ZNF654: variants seen among roughly 807,000 people sequenced by gnomAD.
ZNF654 encodes the protein zinc finger protein 654.
Under a neutral mutation model 95.3 loss-of-function variants are expected in ZNF654, and 19 were observed. That is an observed-to-expected ratio of 0.20 (90% CI 0.14 to 0.29). ZNF654 has a LOEUF of 0.29. Among genes scored for constraint, ZNF654 ranks in the 10% least tolerant of loss-of-function variants. The pLI, the probability that ZNF654 is intolerant of heterozygous loss-of-function variation, is 1.00. For missense variants in ZNF654, 1,046 were observed against 1,341.0 expected, an observed-to-expected ratio of 0.78 and a Z score of 3.44; for synonymous variants, 413 against 457.9, an observed-to-expected ratio of 0.90 and a Z score of 1.25.
chr3:88,093,762 T>C (rs1258598097), intron 2 of ZNF654, among the ~76,000 whole-genome samples: 3 of 152,228 alleles, frequency 2.0e-5, no homozygotes, highest in Admixed American at 6.5e-5. Context: ...TTTTACTTGA[T>C]TGCATTTATA....
chr3:88,121,277 T>G (rs1705753638), intron 3 of ZNF654, among the ~76,000 whole-genome samples: 1 of 152,158 alleles, frequency 6.6e-6, no homozygotes, highest in Non-Finnish European at 1.5e-5. Context: ...AACAATGAAT[T>G]AAAAACTCAT....
chr3:88,061,110 T>C (rs568106230), intron 1 of ZNF654, among the ~76,000 whole-genome samples: 1 of 152,278 alleles, frequency 6.6e-6, no homozygotes, highest in East Asian at 1.9e-4. Context: ...TTTGTAACTA[T>C]ACCTTTTACA....
At chr3:88,107,046 C>T (rs1277960919) in intron 2 of ZNF654, among the ~76,000 whole-genome samples, 3 of 152,130 alleles carry the variant, frequency 2.0e-5, no homozygotes, top group Non-Finnish European at 4.4e-5. Context: ...TTTCATTTCT[C>T]TTGTTTCATG....
chr3:88,118,319 T>C lies in ZNF654; in HGVS notation c.414+5123T>C, dbSNP rs367621024. Among the ~76,000 whole-genome samples the C allele has an allele frequency of 5.9e-5, 9 of 152,056 alleles. No individual in the cohort carries two copies. The South Asian group carries it at 1.7e-3, about 28-fold the overall frequency. ...AGTTAGGAGGTGGTATGGGATATCA[T>C]GTCCCAAGCAGGAGGCTCAACGCTA... On this transcript the variant is annotated intron_variant, in intron 3 of 8. Transcript: ENST00000636215.
chr3:88,095,759 C>A, intron 2 of ZNF654: 1 of 398,364 alleles, frequency 2.5e-6, no homozygotes, highest in South Asian at 1.9e-5. Flanking sequence ...CCTCCTTCAT[C>A]ATCTTAAACT....
chr3:88,108,154 T>C (rs1311666000), intron 2 of ZNF654, among the ~76,000 whole-genome samples: 1 of 152,128 alleles, frequency 6.6e-6, no homozygotes, highest in African/African-American at 2.4e-5. Flanking sequence ...TTTGACCATG[T>C]AGGTATATGA....
chr3:88,059,652 T>G, intron 1 of ZNF654, 147 bp downstream of exon 1: 34 of 716,250 alleles, frequency 4.7e-5, no homozygotes, highest in East Asian at 1.7e-4. Flanking sequence ...CTCCTCCACT[T>G]ATCCGGCTTG....
intron 1 of ZNF654, among the ~76,000 whole-genome samples, chr3:88,075,672 G>A (rs1405866396): frequency 1.3e-5 from 2 of 152,102 alleles, no homozygotes; most frequent in Non-Finnish European, 2.9e-5. Flanking sequence ...GCAATAGTAG[G>A]ATATGTCATT....
chr3:88,126,276 C>G lies in ZNF654; in HGVS notation c.550+7C>G, dbSNP rs1257432935. On this transcript the variant is annotated splice_region_variant and intron_variant, in intron 4 of 8. Transcript: ENST00000636215. ...CCAGCATCTCAGGAGATAGGTACTT[C>G]AGGAGATTCAAAATCAAACCAACAT... 9 of 1,475,412 alleles carry G rather than the reference C, an allele frequency of 6.1e-6. No individual in the cohort carries two copies. Among genetic ancestry groups the G allele is most frequent in the Non-Finnish European group, 8.1e-6 (9 of 1,116,244 alleles). 91.4% of individuals were successfully genotyped at this position (1,475,412 alleles called of 1,614,324 possible). A position where few individuals can be genotyped will look rare whatever the true frequency, so the allele number is the denominator to read the frequency against.
Position 88,059,537 on chromosome 3 carries a change from A to G in ZNF654, c.186+32A>G, listed in dbSNP as rs866477126. On this transcript the variant is annotated intron_variant, in intron 1 of 8. Transcript: ENST00000636215. The stretch of plus-strand genomic sequence containing the variant: ...CGTCCGTTGGCCGCCCCGACTTGTC[A>G]CCCGGGTCCTGGGCCTCTCTGCGTC... 28 of 1,457,250 alleles carry G rather than the reference A, an allele frequency of 1.9e-5. No individual in the cohort carries two copies. In the Middle Eastern group the frequency reaches 4.3e-3, roughly 224 times the overall value. The allele number at this position is 1,457,250 out of a possible 1,614,324, so 90.3% of individuals were successfully genotyped here. A position where few individuals can be genotyped will look rare whatever the true frequency, so the allele number is the denominator to read the frequency against.
At chr3:88,109,268 G>A (rs1254097761) in intron 2 of ZNF654, among the ~76,000 whole-genome samples, 1 of 151,900 alleles carries the variant, frequency 6.6e-6, no homozygotes, top group Non-Finnish European at 1.5e-5. Flanking sequence ...GAATAGTTGA[G>A]TATGTCAACG....
At position 88,143,553 on chromosome 3, in the gene ZNF654, AC is replaced by A. The variant is rs939074580; in HGVS notation, c.*1902del. 1.4e-4 allele frequency: 21 copies of A among 152,310 alleles called. No individual in the cohort carries two copies. The highest frequency in any genetic ancestry group is 4.6e-4 in the African/African-American group (19 of 41,424). 9.4% of individuals were successfully genotyped at this position (152,310 alleles called of 1,614,324 possible). A position where few individuals can be genotyped will look rare whatever the true frequency, so the allele number is the denominator to read the frequency against. On this transcript the variant is annotated 3_prime_UTR_variant, in exon 9 of 9. Coordinates refer to ENST00000636215, the MANE Select transcript of ZNF654 (RefSeq NM_001350134.2). ...GTCTTTTGAAATATTTCTGCTTTGT[AC>A]ATTTTCCAGAAGTTTAATATTTTAT...
chr3:88,087,783 A>T (rs1347916300), intron 2 of ZNF654, among the ~76,000 whole-genome samples: 1 of 152,240 alleles, frequency 6.6e-6, no homozygotes, highest in Non-Finnish European at 1.5e-5. Flanking sequence ...TAAATTAATT[A>T]CAATTTTTTA....
At chr3:88,137,533 TGGG>T (rs1437263873) in intron 7 of ZNF654, among the ~76,000 whole-genome samples, 2 of 152,064 alleles carry the variant, frequency 1.3e-5, no homozygotes, top group Non-Finnish European at 2.9e-5. Flanking sequence ...AATTCACAGT[TGGG>T]GGGTGAGGAC....
At chr3:88,065,583 G>C (rs182559591) in intron 1 of ZNF654, among the ~76,000 whole-genome samples, 187 of 152,042 alleles carry the variant, frequency 1.2e-3, no homozygotes, top group African/African-American at 4.2e-3. Context: ...TGTTAACTTT[G>C]TGGTGGTATG....
chr3:88,141,517 A>G (rs1678440593), intron 8 of ZNF654, 128 bp from the exon 9 acceptor site: 2 of 589,976 alleles, frequency 3.4e-6, no homozygotes, highest in Non-Finnish European at 2.6e-6. Context: ...AATCAGAAAA[A>G]GAGCTTGTCT....
At chr3:88,099,156 T>C in intron 2 of ZNF654, among the ~76,000 whole-genome samples, 1 of 152,288 alleles carries the variant, frequency 6.6e-6, no homozygotes, top group African/African-American at 2.4e-5. Flanking sequence ...ACAAAATCAA[T>C]GTGCAAAAAT....
chr3:88,067,303 C>T (rs1471062079), intron 1 of ZNF654, among the ~76,000 whole-genome samples: 1 of 152,150 alleles, frequency 6.6e-6, no homozygotes, highest in Admixed American at 6.5e-5. Flanking sequence ...GAGATCCTTT[C>T]GTTTGGTTTG....
intron 2 of ZNF654, among the ~76,000 whole-genome samples, chr3:88,103,509 T>A (rs1315176249): frequency 6.6e-6 from 1 of 152,142 alleles, no homozygotes; most frequent in Non-Finnish European, 1.5e-5. Flanking sequence ...ATAACATGTC[T>A]ACTAGAATTT....
Sources: gnomAD v4.1 joint callset for allele counts (sites outside exome capture counted in the v4.1 genomes callset) on GRCh38, gnomAD v4.1.1 for gene constraint, MANE v1.5 for transcripts, NCBI Gene and HGNC (gene_info 2026-07-23, HGNC 2026-07-21) for gene names.